The following PRKCB variants were observed in gnomAD, a reference collection of about 807,000 sequenced individuals.
PRKCB encodes the protein protein kinase C beta, also known as protein kinase C beta type.
A neutral mutation model predicts 81.5 loss-of-function variants in PRKCB; 13 were observed. That is an observed-to-expected ratio of 0.16 (90% confidence interval 0.10 to 0.25). The LOEUF is 0.25. PRKCB is among the 10% of genes least tolerant of loss of function. PRKCB has a pLI of 1.00. For missense variants in PRKCB, 509 were observed against 875.7 expected, an observed-to-expected ratio of 0.58 and a Z score of 5.29; for synonymous variants, 335 against 321.4, an observed-to-expected ratio of 1.04 and a Z score of -0.45.
In PRKCB at chr16:23,957,608, G is replaced by C. The variant is rs112016218; in HGVS notation, c.206-30900G>C. 7.1e-3 allele frequency among the ~76,000 whole-genome samples: 1,081 copies of C among 152,232 alleles called. 1 individual carries two copies. Among genetic ancestry groups the C allele is most frequent in the Middle Eastern group, 0.034 (10 of 294 alleles). On this transcript the variant is annotated intron_variant, in intron 2 of 16. Transcript: ENST00000643927. ...CCTTTTTTGCCCCCTTGAAGTCTGA[G>C]TCTCTCGTCTGTTCCTGGAGATTTT...
At position 24,136,609 on chromosome 16, in the gene PRKCB, C is replaced by T. The variant is rs192301316; in HGVS notation, c.1065+12628C>T. ...TTCTCAAGTCTCCATGTCTAATTCT[C>T]ACATGTAGAATATCCTAGGAATCTA... On this transcript the variant is annotated intron_variant, in intron 9 of 16. Coordinates refer to ENST00000643927, the MANE Select transcript of PRKCB (RefSeq NM_002738.7). 1.8e-4 allele frequency among the ~76,000 whole-genome samples: 27 copies of T among 152,262 alleles called. No individual in the cohort carries two copies. The East Asian group carries it at 5.2e-3, about 29-fold the overall frequency.
chr16:24,021,333 T>C (rs188950380), intron 3 of PRKCB, among the ~76,000 whole-genome samples: 28 of 53,292 alleles, frequency 5.3e-4, no homozygotes, highest in East Asian at 1.3e-3. Context: ...CTTCCTTCCT[T>C]CCTTCCTTCC....
intron 9 of PRKCB, among the ~76,000 whole-genome samples, chr16:24,154,151 C>G (rs981436759): frequency 6.6e-6 from 1 of 152,160 alleles, no homozygotes; most frequent in Non-Finnish European, 1.5e-5. Context: ...AATCATCTCC[C>G]CTGGAACCAT....
intron 5 of PRKCB, among the ~76,000 whole-genome samples, chr16:24,076,372 A>C (rs1252319254): frequency 6.6e-6 from 1 of 152,184 alleles, no homozygotes; most frequent in Non-Finnish European, 1.5e-5. Context: ...TGGAGATCAG[A>C]GGGGTGAATC....
chr16:23,859,124 C>T (rs942521124), intron 2 of PRKCB, among the ~76,000 whole-genome samples: 11 of 152,122 alleles, frequency 7.2e-5, no homozygotes, highest in Admixed American at 2.6e-4. Context: ...AGAGTGAGAC[C>T]CTCTCTCTAA....
chr16:24,054,984 C>G (rs1965886459), intron 5 of PRKCB, among the ~76,000 whole-genome samples: 1 of 152,196 alleles, frequency 6.6e-6, no homozygotes, highest in South Asian at 2.1e-4. Context: ...TCCTCCTCCC[C>G]CAGGATCATT....
chr16:24,004,180 C>T (rs1269816389), intron 3 of PRKCB, among the ~76,000 whole-genome samples: 1 of 151,790 alleles, frequency 6.6e-6, no homozygotes, highest in Admixed American at 6.6e-5. Flanking sequence ...AGAATGTTAC[C>T]CAACCAATGT....
In PRKCB at chr16:24,185,182, G is replaced by A. The variant is rs1222844407; in HGVS notation, c.1605G>A (p.Leu535=). ...TTGGAGTCCTGCTGTATGAAATGTT[G>A]GCTGGGCAGGTAATTGAATTTTAAG... ...WAFGVLLYEM[L]AGQAPFEGED... is the part of the protein sequence containing the mutation. Residue 535 remains leucine (L), a synonymous_variant, in exon 14 of 17, where the codon TTG becomes TTA. Coordinates refer to ENST00000643927, the MANE Select transcript of PRKCB (RefSeq NM_002738.7). 1.2e-6 allele frequency: 2 copies of A among 1,613,664 alleles called. No individual in the cohort carries two copies. Among genetic ancestry groups the A allele is most frequent in the Non-Finnish European group, 1.7e-6 (2 of 1,179,858 alleles).
In PRKCB at chr16:23,847,103, A is replaced by G. The variant is rs78716454; in HGVS notation, c.205+9697A>G. Among the ~76,000 whole-genome samples, 560 of 152,152 alleles carry G rather than the reference A, an allele frequency of 3.7e-3. 2 individuals are homozygous for G. Among genetic ancestry groups the G allele is most frequent in the African/African-American group, 0.013 (542 of 41,494 alleles). ...GAAATTAACTGATTCAAGATATGCA[A>G]CACCATTAGTTCAACCATAGCTGTG... On this transcript the variant is annotated intron_variant, in intron 2 of 16. Coordinates refer to ENST00000643927, the MANE Select transcript of PRKCB (RefSeq NM_002738.7).
intron 2 of PRKCB, among the ~76,000 whole-genome samples, chr16:23,863,313 C>G (rs550859737): frequency 6.6e-6 from 1 of 150,816 alleles, no homozygotes; most frequent in African/African-American, 2.4e-5. Flanking sequence ...TGGACGTGCT[C>G]CTTCTCTTAC....
At chr16:24,151,960 A>G in intron 9 of PRKCB, 1 of 452,698 alleles carries the variant, frequency 2.2e-6, no homozygotes, top group Non-Finnish European at 4.4e-6. Context: ...AAGATGTCCT[A>G]TCATGACTGC....
At chr16:24,036,769 C>T (rs758886478) in intron 5 of PRKCB, among the ~76,000 whole-genome samples, 1 of 152,084 alleles carries the variant, frequency 6.6e-6, no homozygotes, top group African/African-American at 2.4e-5. Context: ...GGGGAAATCC[C>T]GCAGTTTCAG....
intron 2 of PRKCB, among the ~76,000 whole-genome samples, chr16:23,969,728 C>A (rs964411885): frequency 6.6e-6 from 1 of 152,134 alleles, no homozygotes; most frequent in Non-Finnish European, 1.5e-5. Flanking sequence ...CAGCTCAAAT[C>A]AAAACTGACC....
intron 2 of PRKCB, among the ~76,000 whole-genome samples, chr16:23,838,009 A>G (rs996730432): frequency 1.3e-5 from 2 of 152,188 alleles, no homozygotes; most frequent in African/African-American, 2.4e-5. Context: ...TGGTTACCTG[A>G]GTTCTTGCAT....
At chr16:23,847,035 C>G (rs1187630935) in intron 2 of PRKCB, among the ~76,000 whole-genome samples, 3 of 152,134 alleles carry the variant, frequency 2.0e-5, no homozygotes, top group East Asian at 3.9e-4. Flanking sequence ...GACCAGAGAG[C>G]TCTGATCCAC....
intron 11 of PRKCB, 47 bp downstream of exon 11, chr16:24,172,408 G>C: frequency 6.5e-7 from 1 of 1,535,234 alleles, no homozygotes; most frequent in Non-Finnish European, 9.0e-7. Flanking sequence ...TAAATGGGTA[G>C]GTTAGTGGTT....
chr16:24,177,634 A>G (rs575083034), intron 12 of PRKCB, among the ~76,000 whole-genome samples: 1 of 152,352 alleles, frequency 6.6e-6, no homozygotes, highest in African/African-American at 2.4e-5. Flanking sequence ...AAGAGTGACC[A>G]TAGTAATTAT....
At chr16:24,173,310 A>T (rs1157526215) in intron 11 of PRKCB, among the ~76,000 whole-genome samples, 1 of 152,186 alleles carries the variant, frequency 6.6e-6, no homozygotes, top group Non-Finnish European at 1.5e-5. Flanking sequence ...GCTTAGGAAC[A>T]TGGCAAGTTA....
At chr16:23,869,800 T>C (rs1227048107) in intron 2 of PRKCB, among the ~76,000 whole-genome samples, 1 of 152,132 alleles carries the variant, frequency 6.6e-6, no homozygotes, top group Non-Finnish European at 1.5e-5. Context: ...GGTGGGCGGA[T>C]CACCTGGGGT....
Sources: gnomAD v4.1 joint callset for allele counts (sites outside exome capture counted in the v4.1 genomes callset) on GRCh38, gnomAD v4.1.1 for gene constraint, MANE v1.5 for transcripts, NCBI Gene and HGNC (gene_info 2026-07-23, HGNC 2026-07-21) for gene names.